CD44: variants seen among roughly 807,000 people sequenced by gnomAD.
CD44 encodes the protein CD44 molecule (IN blood group), also known as CD44 antigen.
In CD44, 49 loss-of-function variants were observed where a neutral mutation model predicts 88.8. That is an observed-to-expected ratio of 0.55 (90% CI 0.44 to 0.70). The LOEUF (loss-of-function observed/expected upper bound fraction) is 0.70. Among genes scored for constraint, CD44 ranks in the 30% least tolerant of loss-of-function variants. The pLI, the probability that CD44 is intolerant of heterozygous loss-of-function variation, is 0.00. For missense variants in CD44, 883 were observed against 913.8 expected, an observed-to-expected ratio of 0.97 and a Z score of 0.43; for synonymous variants, 325 against 312.3, an observed-to-expected ratio of 1.04 and a Z score of -0.43.
At position 35,232,283 on chromosome 11, in the gene CD44, T is replaced by A. The variant is rs1434396003; in HGVS notation, c.*2950T>A. The A allele has an allele frequency of 6.6e-6, 1 of 152,658 alleles. No homozygotes were observed. The highest frequency in any genetic ancestry group is 1.5e-5 in the Non-Finnish European group (1 of 68,028). The allele number at this position is 152,658 out of a possible 1,614,324, so 9.5% of individuals were successfully genotyped here. On this transcript the variant is annotated 3_prime_UTR_variant, in exon 18 of 18. Transcript: ENST00000428726. ...TTTCAGAGCACACCCTTCCTCTGGT[T>A]TTTGTATATTTATTGATGGATCAAT...
At chr11:35,222,382 G>C (rs1261562127) in intron 17 of CD44, 5 of 1,293,484 alleles carry the variant, frequency 3.9e-6, no homozygotes, top group Admixed American at 2.3e-5. Context: ...TAGTTGAAGA[G>C]ATTCAGGTTA....
chr11:35,212,945 T>TC (rs1156596888), intron 14 of CD44: 1 of 152,428 alleles, frequency 6.6e-6, no homozygotes, highest in African/African-American at 2.4e-5. Context: ...TGCCTCAGCC[T>TC]CCTGAGTAGC....
intron 3 of CD44, among the ~76,000 whole-genome samples, chr11:35,183,015 T>C (rs1945305243): frequency 6.6e-6 from 1 of 152,104 alleles, no homozygotes; most frequent in African/African-American, 2.4e-5. Flanking sequence ...ATACCTGGAG[T>C]TGGGAGCAAG....
rs147771896 is a variant in CD44, at chr11:35,219,737, A to C, written c.1945+350A>C. On this transcript the variant is annotated intron_variant, in intron 16 of 17. Transcript: ENST00000428726. ...ACCTAGGTCCTTTCTATCCCAATCC[A>C]ATTTCCACTTATTTCTGGGGTCCAA... Among the ~76,000 whole-genome samples the C allele has an allele frequency of 2.6e-5, 4 of 152,276 alleles. No homozygotes were observed. In the East Asian group the frequency reaches 7.7e-4, roughly 29 times the overall value.
At chr11:35,222,600 T>A (rs1010150823) in intron 17 of CD44, 19 of 260,648 alleles carry the variant, frequency 7.3e-5, no homozygotes, top group Middle Eastern at 2.1e-3. Context: ...TTATATATAA[T>A]ATATATATAT....
chr11:35,141,237 TG>T (rs1857853562), intron 1 of CD44, among the ~76,000 whole-genome samples: 1 of 152,162 alleles, frequency 6.6e-6, no homozygotes, highest in South Asian at 2.1e-4. Flanking sequence ...CAGTGCTGGA[TG>T]GAAACCCAGC....
intron 9 of CD44, among the ~76,000 whole-genome samples, 198 bp downstream of exon 9, chr11:35,201,985 G>T (rs1947358894): frequency 6.6e-6 from 1 of 152,196 alleles, no homozygotes; most frequent in African/African-American, 2.4e-5. Context: ...TCATCAGGTT[G>T]CCCAAAGGCC....
intron 2 of CD44, among the ~76,000 whole-genome samples, chr11:35,178,982 C>T (rs992875176): frequency 2.2e-4 from 33 of 152,160 alleles, no homozygotes; most frequent in African/African-American, 8.0e-4. Flanking sequence ...TTTGTCTGCC[C>T]CACCCTGATT....
At chr11:35,142,092 C>T (rs79828210) in intron 1 of CD44, among the ~76,000 whole-genome samples, 4,722 of 152,012 alleles carry the variant, frequency 0.031, 121 homozygotes, top group African/African-American at 0.065. Context: ...GGGTCTTGTG[C>T]AGGAGGAAGA....
intron 1 of CD44, among the ~76,000 whole-genome samples, chr11:35,166,114 A>G (rs1315671463): frequency 2.0e-5 from 3 of 152,200 alleles, no homozygotes; most frequent in Non-Finnish European, 2.9e-5. Flanking sequence ...TTGGGCCCCA[A>G]GATGCTTTTT....
intron 15 of CD44, among the ~76,000 whole-genome samples, chr11:35,218,360 C>T (rs12285721): frequency 0.27 from 41,581 of 152,050 alleles, 6,191 homozygotes; most frequent in South Asian, 0.46. Context: ...GGTGGAGTCT[C>T]GCTCTGTTGC....
At chr11:35,165,203 A>G (rs1324485148) in intron 1 of CD44, among the ~76,000 whole-genome samples, 6 of 152,200 alleles carry the variant, frequency 3.9e-5, no homozygotes, top group Non-Finnish European at 7.3e-5. Context: ...TGCCTAAGAC[A>G]TCATGTCAGG....
At chr11:35,179,228 A>G (rs1944758214) in intron 2 of CD44, among the ~76,000 whole-genome samples, 1 of 152,198 alleles carries the variant, frequency 6.6e-6, no homozygotes, top group Non-Finnish European at 1.5e-5. Flanking sequence ...GGCAGGAAAG[A>G]TGAAAAGCAT....
At chr11:35,205,982 C>T in intron 10 of CD44, 130 bp from the exon 11 acceptor site, 1 of 1,329,146 alleles carries the variant, frequency 7.5e-7, no homozygotes, top group Non-Finnish European at 9.7e-7. Flanking sequence ...AACTTCCTTG[C>T]CCTCTATACA....
chr11:35,204,902 G>A (rs1015184506), intron 10 of CD44: 16 of 356,900 alleles, frequency 4.5e-5, no homozygotes, highest in Admixed American at 8.9e-5. Flanking sequence ...TTCACATCGA[G>A]TTTTGGGCAT....
At chr11:35,207,520 G>A (rs781017080) in intron 11 of CD44, among the ~76,000 whole-genome samples, 4 of 152,176 alleles carry the variant, frequency 2.6e-5, no homozygotes, top group East Asian at 1.9e-4. Flanking sequence ...TTTAAAGACC[G>A]CTTATACTTG....
chr11:35,159,120 T>C (rs1265075303), intron 1 of CD44, among the ~76,000 whole-genome samples: 3 of 152,230 alleles, frequency 2.0e-5, no homozygotes, highest in Non-Finnish European at 2.9e-5. Flanking sequence ...GTTTGGAGTT[T>C]CCCAGAGTCC....
intron 1 of CD44, among the ~76,000 whole-genome samples, chr11:35,146,999 C>T (rs353625): frequency 0.79 from 119,752 of 152,188 alleles, 48,018 homozygotes; most frequent in African/African-American, 0.94. Flanking sequence ...TACTCTCTTC[C>T]ATGTGATGGA....
chr11:35,171,939 G>A (rs567084031), intron 1 of CD44, among the ~76,000 whole-genome samples: 5 of 152,308 alleles, frequency 3.3e-5, no homozygotes, highest in South Asian at 4.1e-4. Flanking sequence ...TTTGTTTGAT[G>A]AGAATAATGA....
Sources: allele counts gnomAD v4.1 joint callset (sites outside exome capture counted in the v4.1 genomes callset), GRCh38; gene constraint gnomAD v4.1.1; transcripts MANE v1.5; gene names NCBI Gene and HGNC (gene_info 2026-07-23, HGNC 2026-07-21).